The following TNXB variants were observed in gnomAD, a reference collection of about 807,000 sequenced individuals.
TNXB encodes the protein tenascin-X.
In TNXB, 183 loss-of-function variants were observed where a neutral mutation model predicts 340.5. The observed-to-expected ratio is 0.54, with a 90% confidence interval of 0.48 to 0.61. The LOEUF (loss-of-function observed/expected upper bound fraction) is 0.61, where lower values mean the gene tolerates loss of function less well. Ranked by LOEUF, TNXB falls within the 20% of genes least tolerant of loss-of-function variation. The pLI is 0.00. For synonymous variants in TNXB, 2,121 were observed against 2,314.5 expected, an observed-to-expected ratio of 0.92 and a Z score of 2.40; for missense variants, 4,613 against 5,446.4, an observed-to-expected ratio of 0.85 and a Z score of 4.82.
chr6:32,067,797 G>C lies in TNXB; in HGVS notation c.6408C>G (p.Pro2136=). Residue 2136 remains proline (P), a synonymous_variant, in exon 18 of 44, where the codon CCC becomes CCG. Transcript: ENST00000644971. This position sits in a 1 kb window ranked among gnomAD's most constrained non-coding sequence, Gnocchi z 4.2. ...TVQYKDRDGR[P]QVVRVGGEES... The stretch of plus-strand genomic sequence containing the variant: ...CCTCGCCCCCAACACGCACCACCTG[G>C]GGCCGCCCGTCCCTGTCCTTGTACT... 2.5e-6 allele frequency: 4 copies of C among 1,613,458 alleles called. No homozygotes were observed. Among genetic ancestry groups the C allele is most frequent in the Non-Finnish European group, 3.4e-6 (4 of 1,179,884 alleles).
chr6:32,093,396 A>C, intron 4 of TNXB: 1 of 702,372 alleles, frequency 1.4e-6, no homozygotes, highest in South Asian at 1.5e-5. Context: ...CACGAAGTTG[A>C]GATTTCTGCT....
In TNXB at chr6:32,062,568, G is replaced by A; in HGVS notation, c.6842-85C>T. 7.6e-7 allele frequency: 1 copy of A among 1,310,148 alleles called. No individual in the cohort carries two copies. Among genetic ancestry groups the A allele is most frequent in the Non-Finnish European group, 1.0e-6 (1 of 970,688 alleles). 81.2% of individuals were successfully genotyped at this position (1,310,148 alleles called of 1,614,324 possible). A position where few individuals can be genotyped will look rare whatever the true frequency, so the allele number is the denominator to read the frequency against. On this transcript the variant is annotated intron_variant, in intron 19 of 43. Transcript: ENST00000644971. This position sits in a 1 kb window ranked among gnomAD's most constrained non-coding sequence, Gnocchi z 4.3. ...TCTGGGATTCTCTTAGACACACCAA[G>A]GGCCCACAGTCTGGATGCTGGTGCC...
At position 32,058,249 on chromosome 6, in the gene TNXB, G is replaced by A. The variant is rs749304966; in HGVS notation, c.7634C>T (p.Pro2545Leu). ...GGTGAAGGAGTCAAAGCGGCCCTGG[G>A]GGACGGTCCAGGAAAGGCTCAGCGA... ...PDSLSLSWTVPQGRFDSFTVQ... is the reference protein window; with the variant it reads ...PDSLSLSWTVLQGRFDSFTVQ... Residue 2545 changes from proline (P) to leucine (L), a missense_variant, in exon 22 of 44, where the codon CCC becomes CTC. This residue lies in a region of TNXB where 4,327 missense variants were observed against 4,859.4 expected (regional missense o/e 0.89). Transcript: ENST00000644971. This position sits in a 1 kb window ranked among gnomAD's most constrained non-coding sequence, Gnocchi z 5.1. 1.3e-5 allele frequency: 21 copies of A among 1,612,500 alleles called. No individual in the cohort carries two copies. Among genetic ancestry groups the A allele is most frequent in the Non-Finnish European group, 1.7e-5 (20 of 1,179,870 alleles).
In TNXB at chr6:32,067,929, G is replaced by A. The variant is rs376343294; in HGVS notation, c.6276C>T (p.Pro2092=). Residue 2092 remains proline (P), a synonymous_variant, in exon 18 of 44, where the codon CCC becomes CCT. Transcript: ENST00000644971. This position sits in a 1 kb window ranked among gnomAD's most constrained non-coding sequence, Gnocchi z 4.2. Reference sequence around the variant, plus strand: ...GCTCCCCCAGGAGCGGCTCCTCAGCGGGCTCCGGGGCCTCCATGCTGGGTT... The same window carrying A: ...GCTCCCCCAGGAGCGGCTCCTCAGCAGGCTCCGGGGCCTCCATGCTGGGTT... The part of the protein sequence containing the change: ...PTEPSMEAPE[P]AEEPLLGELT... 729 of 1,612,564 alleles carry A rather than the reference G, an allele frequency of 4.5e-4. 5 individuals carry two copies. The East Asian group carries it at 0.015, about 34-fold the overall frequency.
Position 32,069,777 on chromosome 6 carries a change from G to A in TNXB, c.5363C>T (p.Thr1788Ile). The A allele has an allele frequency of 6.2e-7, 1 of 1,611,386 alleles. No individual in the cohort carries two copies. Among genetic ancestry groups the A allele is most frequent in the Non-Finnish European group, 8.5e-7 (1 of 1,178,918 alleles). ...CCAGGAGAGGCCCACGGAGTTCTGG[G>A]TCACGGTGGTCACCTGCAGCTCCTC... ...LGEELQVTTV[T>I]QNSVGLSWTV... Residue 1788 changes from threonine to isoleucine, a missense_variant, in exon 15 of 44, where the codon ACC becomes ATC. Physicochemically the swap from Thr to Ile is moderately conservative, Grantham distance 89. Around this residue, in one of 7 missense-constraint regions of TNXB, gnomAD observed 4,327 missense variants for 4,859.4 expected, o/e 0.89. Transcript: ENST00000644971. The surrounding 1 kb of genome is among the most constrained non-coding windows in gnomAD (Gnocchi z 6.2).
At chr6:32,076,119 T>C (rs1340802276) in intron 11 of TNXB, among the ~76,000 whole-genome samples, 1 of 152,172 alleles carries the variant, frequency 6.6e-6, no homozygotes, top group Non-Finnish European at 1.5e-5. Flanking sequence ...ACCTTACTTG[T>C]TCCTGCAGCA....
chr6:32,052,437 C>T lies in TNXB; in HGVS notation c.9115+233G>A, dbSNP rs571106766. 6.7e-5 allele frequency among the ~76,000 whole-genome samples: 10 copies of T among 148,682 alleles called. No individual in the cohort carries two copies. Among genetic ancestry groups the T allele is most frequent in the South Asian group, 2.1e-4 (1 of 4,688 alleles). ...CTGTACTCCAGCCTGGGTGACAAAG[C>T]GAGACTCTATCTCAAAAAAAAAAAA... On this transcript the variant is annotated intron_variant, in intron 26 of 43. Coordinates refer to ENST00000644971, the MANE Select transcript of TNXB (RefSeq NM_001365276.2). This position sits in a 1 kb window ranked among gnomAD's most constrained non-coding sequence, Gnocchi z 4.7.
At position 32,062,418 on chromosome 6, in the gene TNXB, T is replaced by TGATG; in HGVS notation, c.6903_6906dup (p.Lys2303HisfsTer16). ...ACGGTCAGCTCCTCCAGGCGAGGCT[T>TGATG]GATGGGGGGTTCAGGGGTGGGAGGT... On this transcript the variant is annotated frameshift_variant, in exon 20 of 44. Coordinates refer to ENST00000644971, the MANE Select transcript of TNXB (RefSeq NM_001365276.2). LOFTEE classifies it high-confidence loss of function. The surrounding 1 kb of genome is among the most constrained non-coding windows in gnomAD (Gnocchi z 4.3). 1 of 1,612,878 alleles carries TGATG rather than the reference T, an allele frequency of 6.2e-7. No individual in the cohort carries two copies. Among genetic ancestry groups the TGATG allele is most frequent in the Non-Finnish European group, 8.5e-7 (1 of 1,179,778 alleles).
chr6:32,062,618 G>T lies in TNXB; in HGVS notation c.6842-135C>A. On this transcript the variant is annotated intron_variant, in intron 19 of 43. Transcript: ENST00000644971. The surrounding 1 kb of genome is among the most constrained non-coding windows in gnomAD (Gnocchi z 4.3). ...CCCAAGCTTAGAATATCATTTTTCT[G>T]CTTTGAATGTTCAGTTAACACCACA... 3.4e-6 allele frequency: 3 copies of T among 887,854 alleles called. No homozygotes were observed. Among genetic ancestry groups the T allele is most frequent in the Non-Finnish European group, 5.0e-6 (3 of 601,220 alleles). The allele number at this position is 887,854 out of a possible 1,614,324, so 55.0% of individuals were successfully genotyped here. A position where few individuals can be genotyped will look rare whatever the true frequency, so the allele number is the denominator to read the frequency against.
In TNXB at chr6:32,049,943, A is replaced by G; in HGVS notation, c.9439+55T>C. ...CATTCCCCACCAGTCATCACCAAAG[A>G]GCAAGAGGTGGCCCTCCCACAGCTC... On this transcript the variant is annotated intron_variant, in intron 27 of 43. Transcript: ENST00000644971. The surrounding 1 kb of genome is among the most constrained non-coding windows in gnomAD (Gnocchi z 4.5). The G allele has an allele frequency of 2.5e-6, 4 of 1,609,374 alleles. No individual in the cohort carries two copies. Among genetic ancestry groups the G allele is most frequent in the Non-Finnish European group, 3.4e-6 (4 of 1,176,666 alleles).
rs193187105 is a variant in TNXB at position 32,089,332 on chromosome 6, G to A, written c.2406C>T (p.Ala802=). ...PPFTARVPSS[A]SAYDQRGLAP... Reference sequence around the variant, plus strand: ...CCAGTCCTCTCTGGTCATAGGCTGAGGCAGAGCTTGGAACCCGTGCTGTGA... The same window carrying A: ...CCAGTCCTCTCTGGTCATAGGCTGAAGCAGAGCTTGGAACCCGTGCTGTGA... Residue 802 remains alanine, a synonymous_variant, in exon 5 of 44, where the codon GCC becomes GCT. Transcript: ENST00000644971. The surrounding 1 kb of genome is among the most constrained non-coding windows in gnomAD (Gnocchi z 6.2). 1.6e-5 allele frequency: 26 copies of A among 1,608,280 alleles called. No individual in the cohort carries two copies. In the Admixed American group the frequency reaches 4.2e-4, roughly 26 times the overall value.
Position 32,052,684 on chromosome 6 carries a change from G to A in TNXB, c.9101C>T (p.Ala3034Val), listed in dbSNP as rs746165080. ...HEGQRVGPVS[A>V]VGVTAPKDEA... is the part of the protein sequence containing the mutation. ...CACTTACTCACCTGTCACACCCACA[G>A]CGGACACTGGGCCCACGCGCTGCCC... Residue 3034 changes from alanine (A) to valine (V), a missense_variant, in exon 26 of 44, where the codon GCT (alanine) becomes GTT (valine). Transcript: ENST00000644971. This position sits in a 1 kb window ranked among gnomAD's most constrained non-coding sequence, Gnocchi z 4.7. 40 of 1,613,040 alleles carry A rather than the reference G, an allele frequency of 2.5e-5. No homozygotes were observed. The African/African-American group carries it at 3.7e-4, about 15-fold the overall frequency.
rs1227773962 is a variant in TNXB, at chr6:32,042,331, T to G, written c.12242A>C (p.Asp4081Ala). 1 of 1,523,220 alleles carries G rather than the reference T, an allele frequency of 6.6e-7. No homozygotes were observed. The highest frequency in any genetic ancestry group is 2.3e-5 in the East Asian group (1 of 43,696). The allele number at this position is 1,523,220 out of a possible 1,614,324, so 94.4% of individuals were successfully genotyped here. A position where few individuals can be genotyped will look rare whatever the true frequency, so the allele number is the denominator to read the frequency against. ...VFQRRMDGQT[D>A]FWRDWEDYAH... ...ATAGTCCTCCCAGTCCCTCCAGAAG[T>G]CTGTCTGTCCATCCATGCGGCGCTG... The change falls in exon 41 of 44, where the codon GAC (aspartate) becomes GCC (alanine). Residue 4081 changes from aspartate to alanine, a missense_variant. Physicochemically the swap from Asp to Ala is moderately radical, Grantham distance 126. Coordinates refer to ENST00000644971, the MANE Select transcript of TNXB (RefSeq NM_001365276.2).
At position 32,062,373 on chromosome 6, in the gene TNXB, A is replaced by AACC. The variant is rs763474929; in HGVS notation, c.6951_6952insGGT (p.Asp2317_Ser2318insGly). The stretch of plus-strand genomic sequence containing the variant: ...GGAACCGTCCAGGACAGGCTGAGGG[A>AACC]GTCAGGGGTCGCATCTGTCACGGTC... On this transcript the variant is annotated inframe_insertion, in exon 20 of 44. Transcript: ENST00000644971. This position sits in a 1 kb window ranked among gnomAD's most constrained non-coding sequence, Gnocchi z 4.3. 2.1e-5 allele frequency: 34 copies of AACC among 1,613,212 alleles called. No homozygotes were observed. In the Admixed American group the frequency reaches 5.5e-4, roughly 26 times the overall value.
chr6:32,085,618 C>T lies in TNXB; in HGVS notation c.3148+132G>A, dbSNP rs1488228767. Reference sequence around the variant, plus strand: ...TGCAATTCCTTTTCTCTCCTTTTCTCCTCTATCCAGCCCCAAACATCAGCC... The same window carrying T: ...TGCAATTCCTTTTCTCTCCTTTTCTTCTCTATCCAGCCCCAAACATCAGCC... On this transcript the variant is annotated intron_variant, in intron 7 of 43. Transcript: ENST00000644971. This position sits in a 1 kb window ranked among gnomAD's most constrained non-coding sequence, Gnocchi z 6.4. The T allele has an allele frequency of 1.8e-6, 2 of 1,083,636 alleles. No homozygotes were observed. Among genetic ancestry groups the T allele is most frequent in the African/African-American group, 1.6e-5 (1 of 62,798 alleles). The allele number at this position is 1,083,636 out of a possible 1,614,324, so 67.1% of individuals were successfully genotyped here. A position where few individuals can be genotyped will look rare whatever the true frequency, so the allele number is the denominator to read the frequency against.
At chr6:32,098,370 T>G (rs1207232301) in intron 1 of TNXB, among the ~76,000 whole-genome samples, 164 bp from the exon 2 acceptor site, 1 of 152,216 alleles carries the variant, frequency 6.6e-6, no homozygotes, top group Non-Finnish European at 1.5e-5. Context: ...ATACCCTCCC[T>G]GGGCAAGTCT....
rs572326271 is a variant in TNXB at position 32,085,904 on chromosome 6, G to T, written c.2994C>A (p.Pro998=). ...FAYFQLRMRV[P]EGPGAHEEVL... ...CTTCCTCATGTGCCCCCGGCCCCTC[G>T]GGCACCCGCATGCGCAGTTGGAAGT... Residue 998 remains proline, a synonymous_variant, in exon 7 of 44, where the codon CCC becomes CCA. Transcript: ENST00000644971. This position sits in a 1 kb window ranked among gnomAD's most constrained non-coding sequence, Gnocchi z 6.4. 1.2e-6 allele frequency: 2 copies of T among 1,608,362 alleles called. No individual in the cohort carries two copies. The highest frequency in any genetic ancestry group is 2.7e-5 in the African/African-American group (2 of 75,008).
chr6:32,101,588 C>CTTTTT (rs58601681), intron 1 of TNXB, among the ~76,000 whole-genome samples: 1 of 126,182 alleles, frequency 7.9e-6, no homozygotes, highest in Non-Finnish European at 1.7e-5. Context: ...CGCACCCAGC[C>CTTTTT]TTTTTTTTTT....
chr6:32,082,107 T>G lies in TNXB; in HGVS notation c.3665A>C (p.Lys1222Thr). The change falls in exon 9 of 44, where the codon AAG becomes ACG. Residue 1222 changes from lysine (K) to threonine (T), a missense_variant. By Grantham distance (78) the Lys-to-Thr change is moderately conservative. Coordinates refer to ENST00000644971, the MANE Select transcript of TNXB (RefSeq NM_001365276.2). This position sits in a 1 kb window ranked among gnomAD's most constrained non-coding sequence, Gnocchi z 5.0. ...AATTCCAAACAGAGTGAATCTGTAC[T>G]TGTGGTCAGGGTCCAGTGAGGAGAC... ...FVVSSLDPDH[K>T]YRFTLFGIAN... is the part of the protein sequence containing the mutation. The G allele has an allele frequency of 6.2e-7, 1 of 1,611,210 alleles. No homozygotes were observed. Among genetic ancestry groups the G allele is most frequent in the Non-Finnish European group, 8.5e-7 (1 of 1,178,988 alleles).
Sources: gnomAD v4.1 joint callset for allele counts (sites outside exome capture counted in the v4.1 genomes callset) on GRCh38, gnomAD v4.1.1 for gene constraint, gnomAD v4.1.1 regional missense constraint, Gnocchi (gnomAD v3.1) non-coding constraint, MANE v1.5 for transcripts, NCBI Gene and HGNC (gene_info 2026-07-23, HGNC 2026-07-21) for gene names.